Variants in ATP10B observed in about 807,000 individuals in gnomAD.
ATP10B encodes ATPase phospholipid transporting 10B (putative), also known as phospholipid-transporting ATPase VB.
ATP10B carries 122 observed loss-of-function variants against 141.2 expected under a neutral mutation model. The ratio of observed to expected loss-of-function variants is 0.86; its 90% confidence interval spans 0.75 to 1.00. The LOEUF is 1.00. Ranked by LOEUF, ATP10B falls within the 50% of genes least tolerant of loss-of-function variation. The pLI is 0.00. For missense variants in ATP10B, 1,876 were observed against 1,825.3 expected, an observed-to-expected ratio of 1.03 and a Z score of -0.51; for synonymous variants, 685 against 692.0, an observed-to-expected ratio of 0.99 and a Z score of 0.16.
At chr5:160,813,650 C>T (rs139835696) in intron 1 of ATP10B, among the ~76,000 whole-genome samples, 1,573 of 152,260 alleles carry the variant, frequency 0.01, 16 homozygotes, top group South Asian at 0.024. Context: ...TCTCCCAGCA[C>T]GCAGCTGGAG....
intron 1 of ATP10B, among the ~76,000 whole-genome samples, chr5:160,816,239 A>T (rs10064064): frequency 1.5e-5 from 2 of 130,092 alleles, no homozygotes; most frequent in Non-Finnish European, 3.6e-5. Flanking sequence ...ATCAATAAAA[A>T]TTGAGAGACT....
Position 160,632,281 on chromosome 5 carries a change from C to T in ATP10B, c.1468G>A (p.Ala490Thr). The change falls in exon 13 of 26, where the codon GCC (alanine) becomes ACC (threonine). Residue 490 changes from alanine (A) to threonine (T), a missense_variant. Coordinates refer to ENST00000327245, the MANE Select transcript of ATP10B (RefSeq NM_025153.3). ...CTTCTCATAGTTGCTGGATCCTGGGCCCATCTAGCCGAGAAGGACAGGCAT... is the reference window on the plus strand; with the variant it reads ...CTTCTCATAGTTGCTGGATCCTGGGTCCATCTAGCCGAGAAGGACAGGCAT... ...YQCLSFSARW[A>T]QDPATMRSQK... is the part of the protein sequence containing the mutation. 6.2e-7 allele frequency: 1 copy of T among 1,614,192 alleles called. No individual in the cohort carries two copies. The highest frequency in any genetic ancestry group is 8.5e-7 in the Non-Finnish European group (1 of 1,180,028).
the ATP10B span, among the ~76,000 whole-genome samples, chr5:160,873,776 CG>C: frequency 6.6e-6 from 1 of 152,204 alleles, no homozygotes; most frequent in Non-Finnish European, 1.5e-5. Context: ...GGGTGACAGA[CG>C]GCACCAGGAA....
intron 7 of ATP10B, among the ~76,000 whole-genome samples, chr5:160,650,010 G>A (rs1037757147): frequency 1.3e-5 from 2 of 151,848 alleles, no homozygotes; most frequent in African/African-American, 2.4e-5. Flanking sequence ...TCGGGAGGCT[G>A]AGGCACGAAA....
chr5:160,870,094 G>A, the ATP10B span, among the ~76,000 whole-genome samples: 1 of 152,052 alleles, frequency 6.6e-6, no homozygotes, highest in Non-Finnish European at 1.5e-5. Flanking sequence ...ACCCAACTCC[G>A]ACTCCCTCCA....
At chr5:160,766,337 A>AACACACACACACACAC (rs58890049) in intron 2 of ATP10B, among the ~76,000 whole-genome samples, 9 of 140,296 alleles carry the variant, frequency 6.4e-5, no homozygotes, top group Admixed American at 2.1e-4. Context: ...GGATAAAGAG[A>AACACACACACACACAC]ACACACACAC....
intron 6 of ATP10B, among the ~76,000 whole-genome samples, chr5:160,674,007 CT>C (rs1333677292): frequency 6.6e-6 from 1 of 151,978 alleles, no homozygotes; most frequent in Non-Finnish European, 1.5e-5. Context: ...TCTTGTCTTC[CT>C]TTTTTTTCTC....
At chr5:160,869,381 C>A in the ATP10B span, among the ~76,000 whole-genome samples, 5 of 151,634 alleles carry the variant, frequency 3.3e-5, no homozygotes, top group African/African-American at 1.2e-4. Flanking sequence ...CTAAGTATAG[C>A]TAAACATAAA....
intron 2 of ATP10B, among the ~76,000 whole-genome samples, chr5:160,723,922 C>T (rs1178676225): frequency 1.3e-5 from 2 of 152,106 alleles, no homozygotes; most frequent in Admixed American, 1.3e-4. Flanking sequence ...AAATATGGTA[C>T]ATATACACCA....
intron 1 of ATP10B, among the ~76,000 whole-genome samples, chr5:160,792,383 T>C (rs1343172723): frequency 6.6e-6 from 1 of 152,198 alleles, no homozygotes; most frequent in Admixed American, 6.5e-5. Flanking sequence ...CTAAGTGTTA[T>C]CTGGGTATGT....
At chr5:160,923,992 T>C in the ATP10B span, among the ~76,000 whole-genome samples, 1 of 152,152 alleles carries the variant, frequency 6.6e-6, no homozygotes. Flanking sequence ...GACATTCCCT[T>C]GATGAAAGGG....
the ATP10B span, among the ~76,000 whole-genome samples, chr5:160,923,300 A>G: frequency 3.3e-5 from 5 of 152,350 alleles, no homozygotes; most frequent in Admixed American, 6.5e-5. Flanking sequence ...CCCCCAGTAC[A>G]TGACATTGGC....
chr5:160,909,983 T>C, the ATP10B span, among the ~76,000 whole-genome samples: 1 of 152,196 alleles, frequency 6.6e-6, no homozygotes, highest in Non-Finnish European at 1.5e-5. Context: ...GCACTTCACC[T>C]TTGAGCTTTA....
At chr5:160,832,545 G>A (rs1561906202) in intron 1 of ATP10B, among the ~76,000 whole-genome samples, 1 of 152,110 alleles carries the variant, frequency 6.6e-6, no homozygotes, top group African/African-American at 2.4e-5. Context: ...GTGTGTGAAT[G>A]TGTACACACT....
chr5:160,736,113 G>A (rs933673640), intron 2 of ATP10B, among the ~76,000 whole-genome samples: 7 of 151,862 alleles, frequency 4.6e-5, no homozygotes, highest in Admixed American at 6.6e-5. Context: ...AAAATTAGTC[G>A]AAGAAAAGAA....
At chr5:160,832,621 T>A (rs1438092923) in intron 1 of ATP10B, among the ~76,000 whole-genome samples, 1 of 152,148 alleles carries the variant, frequency 6.6e-6, no homozygotes, top group East Asian at 1.9e-4. Flanking sequence ...GCTTCTAGAA[T>A]GTAGACTGCT....
intron 10 of ATP10B, among the ~76,000 whole-genome samples, chr5:160,637,021 C>CATCCATCCATCCATGA (rs879497778): frequency 0.28 from 12,168 of 43,136 alleles, 1,548 homozygotes; most frequent in Non-Finnish European, 0.34. Context: ...TCCATCTATC[C>CATCCATCCATCCATGA]ATCCATCCAT....
chr5:160,592,185 A>G (rs1323615401), intron 22 of ATP10B, among the ~76,000 whole-genome samples: 1 of 152,210 alleles, frequency 6.6e-6, no homozygotes, highest in Non-Finnish European at 1.5e-5. Flanking sequence ...TCTAAAGCAC[A>G]TGTAATTTTG....
intron 17 of ATP10B, chr5:160,614,336 C>A (rs11746042): frequency 2.6e-5 from 4 of 152,074 alleles, no homozygotes; most frequent in Non-Finnish European, 5.9e-5. Flanking sequence ...GAAAGCCTTT[C>A]CCAGCTAGGG....
Sources: allele counts gnomAD v4.1 joint callset (sites outside exome capture counted in the v4.1 genomes callset), GRCh38; gene constraint gnomAD v4.1.1; transcripts MANE v1.5; gene names NCBI Gene and HGNC (gene_info 2026-07-23, HGNC 2026-07-21).